The following AGL variants were observed in gnomAD, a reference collection of about 807,000 sequenced individuals.
AGL encodes the protein amylo-alpha-1,6-glucosidase and 4-alpha-glucanotransferase, also known as glycogen debranching enzyme.
AGL carries 128 observed loss-of-function variants against 199.3 expected under a neutral mutation model. The ratio of observed to expected loss-of-function variants is 0.64; its 90% CI spans 0.56 to 0.74. AGL has a LOEUF of 0.74. Ranked by LOEUF, AGL falls within the 30% of genes least tolerant of loss-of-function variation. The probability of loss-of-function intolerance (pLI) is 0.00; values close to 1 mark genes in which losing one functional copy is unlikely to be tolerated. For missense variants in AGL, 1,809 were observed against 1,820.8 expected (o/e 0.99, Z 0.12); for synonymous variants, 584 against 594.7 (o/e 0.98, Z 0.26).
intron 20 of AGL, among the ~76,000 whole-genome samples, chr1:99,887,688 A>G (rs983785625): frequency 6.6e-6 from 1 of 152,216 alleles, no homozygotes; most frequent in Non-Finnish European, 1.5e-5. Flanking sequence ...TTATAAGATA[A>G]AGGATATAGA....
At chr1:99,873,037 A>T (rs1233281324) in intron 7 of AGL, among the ~76,000 whole-genome samples, 2 of 145,864 alleles carry the variant, frequency 1.4e-5, no homozygotes, top group African/African-American at 2.5e-5. Context: ...TTATGGTGAC[A>T]TTTTTTTTCA....
At chr1:99,877,548 A>G in intron 11 of AGL, 93 bp from the exon 12 acceptor site, 1 of 1,156,594 alleles carries the variant, frequency 8.6e-7, no homozygotes, top group South Asian at 1.3e-5. Context: ...TATGGCAGAA[A>G]TGATCAAAGC....
At chr1:99,909,675 G>C (rs934538378) in intron 27 of AGL, among the ~76,000 whole-genome samples, 1 of 151,738 alleles carries the variant, frequency 6.6e-6, no homozygotes, top group African/African-American at 2.4e-5. Flanking sequence ...AAAAAAACCA[G>C]GGAACTCACC....
At chr1:99,904,166 T>G (rs560850954) in intron 27 of AGL, among the ~76,000 whole-genome samples, 17 of 152,208 alleles carry the variant, frequency 1.1e-4, no homozygotes, top group Admixed American at 2.6e-4. Flanking sequence ...TAACTTCTCT[T>G]GAGTTCACCA....
chr1:99,891,256 A>G lies in AGL; in HGVS notation c.2849A>G (p.Asn950Ser), dbSNP rs745956156. Residue 950 changes from asparagine to serine, a missense_variant, in exon 22 of 34, where the codon AAT becomes AGT. Transcript: ENST00000361915. ...GTATTGGCAGAAATAAGACCAAAGA[A>G]TGACTTGGGGCATCCTTTTTGTAAT... Reference protein sequence around the residue: ...MSVLAEIRPKNDLGHPFCNNL... With the variant: ...MSVLAEIRPKSDLGHPFCNNL... 1 of 1,613,708 alleles carries G rather than the reference A, an allele frequency of 6.2e-7. No individual in the cohort carries two copies. Among genetic ancestry groups the G allele is most frequent in the Admixed American group, 1.7e-5 (1 of 59,960 alleles).
rs1570451390 is a variant in AGL, at chr1:99,884,389, C to T, written c.2484C>T (p.Pro828=). 1.2e-6 allele frequency: 2 copies of T among 1,611,584 alleles called. No individual in the cohort carries two copies. Among genetic ancestry groups the T allele is most frequent in the East Asian group, 4.5e-5 (2 of 44,708 alleles). The change falls in exon 19 of 34, where the codon CCC becomes CCT. Residue 828 remains proline (P), a synonymous_variant. Coordinates refer to ENST00000361915, the MANE Select transcript of AGL (RefSeq NM_000642.3). ...AAGCTGGAGTTGCCACAAAAGGGCC[C>T]AATGAATATATTCAAGAAATAGAAT... ...VKQAGVATKG[P]NEYIQEIEFE... is the part of the protein sequence containing the mutation.
intron 27 of AGL, among the ~76,000 whole-genome samples, chr1:99,905,920 T>TTTTTG (rs201864143): frequency 0.013 from 1,937 of 152,250 alleles, 26 homozygotes; most frequent in Middle Eastern, 0.088. Flanking sequence ...GGAGTGCTGT[T>TTTTTG]TTTTGTTTTG....
Position 99,861,733 on chromosome 1 carries a change from TG to T in AGL, c.293+21del. On this transcript the variant is annotated intron_variant, in intron 3 of 33. Coordinates refer to ENST00000361915, the MANE Select transcript of AGL (RefSeq NM_000642.3). The stretch of plus-strand genomic sequence containing the variant: ...TCAAGGGTAAGTCAGGTGTTTTGTT[TG>T]TGAGAAAAAAAGTTAATTTGTTCTG... 6.2e-7 allele frequency: 1 copy of T among 1,612,172 alleles called. No individual in the cohort carries two copies. Among genetic ancestry groups the T allele is most frequent in the Non-Finnish European group, 8.5e-7 (1 of 1,178,952 alleles).
intron 29 of AGL, 125 bp from the exon 30 acceptor site, chr1:99,913,402 C>T (rs1437372556): frequency 3.6e-6 from 3 of 824,094 alleles, no homozygotes; most frequent in Non-Finnish European, 5.9e-6. Context: ...GCCACATTTT[C>T]CAAAAGTGGA....
chr1:99,870,642 A>G (rs906636171), intron 6 of AGL, 61 bp downstream of exon 6: 8 of 1,571,870 alleles, frequency 5.1e-6, no homozygotes, highest in Middle Eastern at 1.7e-4. Flanking sequence ...CACACATTAA[A>G]TATATGGTTG....
intron 25 of AGL, among the ~76,000 whole-genome samples, chr1:99,897,204 G>T (rs1159704265): frequency 6.6e-6 from 1 of 152,202 alleles, no homozygotes; most frequent in Non-Finnish European, 1.5e-5. Flanking sequence ...CACTCAAAAT[G>T]CATTCCACAC....
intron 27 of AGL, among the ~76,000 whole-genome samples, chr1:99,907,674 T>TC (rs1654401883): frequency 6.9e-6 from 1 of 144,156 alleles, no homozygotes; most frequent in Admixed American, 7.0e-5. Flanking sequence ...TTGTTTTTGT[T>TC]CGTTTGTTTT....
rs758514310 is a variant in AGL at position 99,861,504 on chromosome 1, G to A, written c.84G>A (p.Gly28=). The A allele has an allele frequency of 3.7e-6, 6 of 1,613,708 alleles. No individual in the cohort carries two copies. The South Asian group carries it at 6.6e-5, about 18-fold the overall frequency. ...TATTAACATGTGCTTTTTATTTAGG[G>A]TATGAGCTACAGTTCCGATTAGGCC... ...LEKTLFRLEQ[G]YELQFRLGPT... is the part of the protein sequence containing the mutation. Residue 28 remains glycine, a splice_region_variant and synonymous_variant, in exon 3 of 34, where the codon GGG becomes GGA. Coordinates refer to ENST00000361915, the MANE Select transcript of AGL (RefSeq NM_000642.3).
intron 2 of AGL, among the ~76,000 whole-genome samples, chr1:99,855,928 C>G (rs1649380116): frequency 6.6e-6 from 1 of 152,002 alleles, no homozygotes; most frequent in Non-Finnish European, 1.5e-5. Flanking sequence ...CATAAAGGTT[C>G]TTTGATTAGA....
At chr1:99,862,194 T>C (rs1213424876) in intron 3 of AGL, 63 bp from the exon 4 acceptor site, 24 of 1,468,422 alleles carry the variant, frequency 1.6e-5, no homozygotes, top group Non-Finnish European at 3.8e-6. Flanking sequence ...AGTCAGACTA[T>C]ATTATATGAG....
intron 31 of AGL, 106 bp downstream of exon 31, chr1:99,915,592 T>A: frequency 1.2e-6 from 1 of 856,942 alleles, no homozygotes; most frequent in Non-Finnish European, 1.9e-6. Context: ...GGAGATGCCA[T>A]CTCTACAAAA....
chr1:99,886,117 G>A (rs1435343103), intron 20 of AGL, among the ~76,000 whole-genome samples: 4 of 152,098 alleles, frequency 2.6e-5, no homozygotes, highest in Non-Finnish European at 4.4e-5. Context: ...TAGTGTTTAA[G>A]GGCATGGAGT....
Position 99,884,597 on chromosome 1 carries a change from G to A in AGL, c.2575G>A (p.Ala859Thr), listed in dbSNP as rs773083396. 23 of 1,613,690 alleles carry A rather than the reference G, an allele frequency of 1.4e-5. No homozygotes were observed. The African/African-American group carries it at 1.9e-4, about 13-fold the overall frequency. Reference sequence around the variant, plus strand: ...TAGTCTTGATCCACATGCACAAGTCGCTGTTGGAATTCTTCGAAATCATCT... The same window carrying A: ...TAGTCTTGATCCACATGCACAAGTCACTGTTGGAATTCTTCGAAATCATCT... ...RVSLDPHAQVAVGILRNHLTQ... is the reference protein window; with the variant it reads ...RVSLDPHAQVTVGILRNHLTQ... The change falls in exon 20 of 34, where the codon GCT becomes ACT. Residue 859 changes from alanine to threonine, a missense_variant. Ala to Thr is a moderately conservative substitution (Grantham distance 58). Coordinates refer to ENST00000361915, the MANE Select transcript of AGL (RefSeq NM_000642.3).
At chr1:99,903,379 T>G (rs1654000592) in intron 27 of AGL, among the ~76,000 whole-genome samples, 1 of 152,040 alleles carries the variant, frequency 6.6e-6, no homozygotes, top group Non-Finnish European at 1.5e-5. Context: ...AGTGAGAACA[T>G]GCGGTGTCTG....
Sources: allele counts gnomAD v4.1 joint callset (sites outside exome capture counted in the v4.1 genomes callset), GRCh38; gene constraint gnomAD v4.1.1; transcripts MANE v1.5; gene names NCBI Gene and HGNC (gene_info 2026-07-23, HGNC 2026-07-21).